Variants in KCTD8 observed in about 807,000 individuals in gnomAD.
The protein encoded by KCTD8 is BTB/POZ domain-containing protein KCTD8.
Under a neutral mutation model 31.5 loss-of-function variants are expected in KCTD8, and 27 were observed. The observed-to-expected ratio is 0.86, with a 90% confidence interval of 0.63 to 1.18. The LOEUF is 1.18. Among genes scored for constraint, KCTD8 ranks in the 50% most tolerant of loss-of-function variants. The pLI, the probability that KCTD8 is intolerant of heterozygous loss-of-function variation, is 0.00. For missense variants in KCTD8, 658 were observed against 647.7 expected (o/e 1.02, Z -0.17); for synonymous variants, 290 against 280.0 (o/e 1.04, Z -0.36).
At chr4:44,426,862 A>G (rs1721362508) in intron 1 of KCTD8, among the ~76,000 whole-genome samples, 1 of 151,890 alleles carries the variant, frequency 6.6e-6, no homozygotes, top group South Asian at 2.1e-4. Context: ...AATTAGGTAA[A>G]GATAGTAAAA....
intron 1 of KCTD8, among the ~76,000 whole-genome samples, chr4:44,434,713 C>T (rs1311442054): frequency 6.6e-6 from 1 of 151,820 alleles, no homozygotes; most frequent in African/African-American, 2.4e-5. Context: ...ACCTAACATA[C>T]CATCTTTCAA....
chr4:44,352,979 G>C (rs1357596626), intron 1 of KCTD8, among the ~76,000 whole-genome samples: 1 of 152,058 alleles, frequency 6.6e-6, no homozygotes, highest in East Asian at 1.9e-4. Flanking sequence ...GTATAAAGGT[G>C]CATACGATAA....
At chr4:44,221,072 TG>T (rs1302274286) in intron 1 of KCTD8, among the ~76,000 whole-genome samples, 1 of 152,210 alleles carries the variant, frequency 6.6e-6, no homozygotes, top group African/African-American at 2.4e-5. Flanking sequence ...GCAGGACCCA[TG>T]GTTATCCTTG....
intron 1 of KCTD8, among the ~76,000 whole-genome samples, chr4:44,182,960 C>G (rs190010636): frequency 6.6e-6 from 1 of 151,870 alleles, no homozygotes; most frequent in Admixed American, 6.6e-5. Context: ...GTATAAATGC[C>G]GAAAAATGTT....
At chr4:44,419,558 G>A (rs1393875288) in intron 1 of KCTD8, among the ~76,000 whole-genome samples, 2 of 152,124 alleles carry the variant, frequency 1.3e-5, no homozygotes, top group Non-Finnish European at 2.9e-5. Context: ...GAAGGGACAT[G>A]GATGAAGCTG....
chr4:44,226,201 C>T (rs1260578150), intron 1 of KCTD8, among the ~76,000 whole-genome samples: 1 of 152,098 alleles, frequency 6.6e-6, no homozygotes, highest in Non-Finnish European at 1.5e-5. Context: ...TGGCCCCCAC[C>T]TCCTGACAGG....
chr4:44,438,335 T>C (rs540031962), intron 1 of KCTD8, among the ~76,000 whole-genome samples: 1 of 152,330 alleles, frequency 6.6e-6, no homozygotes, highest in African/African-American at 2.4e-5. Context: ...GCCTAGACTC[T>C]GGGCAGTATT....
intron 1 of KCTD8, among the ~76,000 whole-genome samples, chr4:44,394,555 C>T (rs1720448887): frequency 1.3e-5 from 2 of 151,996 alleles, no homozygotes; most frequent in South Asian, 2.1e-4. Context: ...ATTATGAATC[C>T]TATTTTTATT....
chr4:44,175,052 A>G lies in KCTD8; in HGVS notation c.1160T>C (p.Leu387Ser). The change falls in exon 2 of 2, where the codon TTA becomes TCA. Residue 387 changes from leucine to serine, a missense_variant. By Grantham distance (145) the Leu-to-Ser change is moderately radical. Coordinates refer to ENST00000360029, the MANE Select transcript of KCTD8 (RefSeq NM_198353.3). ...QQATAHQPNT[L>S]TLDRPSKKAP... ...TTTTTTAGAGGGGCGATCCAATGTTAAAGTGTTAGGTTGGTGAGCTGTTGC... is the reference window on the plus strand; with the variant it reads ...TTTTTTAGAGGGGCGATCCAATGTTGAAGTGTTAGGTTGGTGAGCTGTTGC... 1 of 1,613,984 alleles carries G rather than the reference A, an allele frequency of 6.2e-7. No individual in the cohort carries two copies. The highest frequency in any genetic ancestry group is 8.5e-7 in the Non-Finnish European group (1 of 1,179,974).
chr4:44,237,836 G>T (rs562301096), intron 1 of KCTD8, among the ~76,000 whole-genome samples: 6 of 152,278 alleles, frequency 3.9e-5, no homozygotes, highest in African/African-American at 1.4e-4. Flanking sequence ...AATCTCAGGT[G>T]TTGGAGGACA....
chr4:44,377,708 GTCT>G (rs1719951527), intron 1 of KCTD8, among the ~76,000 whole-genome samples: 1 of 152,166 alleles, frequency 6.6e-6, no homozygotes, highest in African/African-American at 2.4e-5. Flanking sequence ...TGCTCTTCAT[GTCT>G]TCTTTTTATT....
intron 1 of KCTD8, among the ~76,000 whole-genome samples, chr4:44,275,654 G>A (rs1474213568): frequency 6.6e-6 from 1 of 152,048 alleles, no homozygotes; most frequent in Non-Finnish European, 1.5e-5. Context: ...AAATGTAAAT[G>A]CAACAGCTTC....
At chr4:44,278,995 T>C (rs1577590313) in intron 1 of KCTD8, among the ~76,000 whole-genome samples, 1 of 152,166 alleles carries the variant, frequency 6.6e-6, no homozygotes, top group East Asian at 1.9e-4. Flanking sequence ...AGGCACTTAG[T>C]GGAAACAGCA....
chr4:44,185,347 TCTCTGA>T (rs1297115127), intron 1 of KCTD8, among the ~76,000 whole-genome samples: 5 of 152,212 alleles, frequency 3.3e-5, no homozygotes, highest in Non-Finnish European at 2.9e-5. Context: ...CCTAACCAAT[TCTCTGA>T]CTCCACTTTA....
At position 44,354,433 on chromosome 4, in the gene KCTD8, C is replaced by T. The variant is rs200983569; in HGVS notation, c.961+93130G>A. Among the ~76,000 whole-genome samples, 7 of 152,198 alleles carry T rather than the reference C, an allele frequency of 4.6e-5. No individual in the cohort carries two copies. In the East Asian group the frequency reaches 1.4e-3, roughly 30 times the overall value. On this transcript the variant is annotated intron_variant, in intron 1 of 1. Transcript: ENST00000360029. ...AAACTTTGGCTCAGGTCATTTTCTC[C>T]ACCTAAAACAACCTTCATTTTCAGA... is the stretch of plus-strand genomic sequence containing the variant.
intron 1 of KCTD8, among the ~76,000 whole-genome samples, chr4:44,331,935 C>T (rs1718600715): frequency 6.6e-6 from 1 of 151,450 alleles, no homozygotes; most frequent in Non-Finnish European, 1.5e-5. Flanking sequence ...ACGTAAATAA[C>T]TGTATCTTTC....
At chr4:44,355,541 C>T (rs183197782) in intron 1 of KCTD8, among the ~76,000 whole-genome samples, 1 of 152,128 alleles carries the variant, frequency 6.6e-6, no homozygotes, top group Non-Finnish European at 1.5e-5. Context: ...TAAAAATATT[C>T]TTTGCCATTA....
intron 1 of KCTD8, among the ~76,000 whole-genome samples, chr4:44,267,657 T>A (rs1268941626): frequency 2.0e-5 from 3 of 151,192 alleles, no homozygotes; most frequent in Admixed American, 2.0e-4. Context: ...GCAAGACTAA[T>A]AAAGAAAAAA....
At chr4:44,203,376 G>A (rs764839177) in intron 1 of KCTD8, among the ~76,000 whole-genome samples, 9 of 151,654 alleles carry the variant, frequency 5.9e-5, no homozygotes, top group South Asian at 4.2e-4. Context: ...GGAGGCAGGC[G>A]CTTGTAATCC....
Sources: gnomAD v4.1 joint callset for allele counts (sites outside exome capture counted in the v4.1 genomes callset) on GRCh38, gnomAD v4.1.1 for gene constraint, MANE v1.5 for transcripts, NCBI Gene and HGNC (gene_info 2026-07-23, HGNC 2026-07-21) for gene names.